The following PRH1 variants were observed in gnomAD, a reference collection of about 807,000 sequenced individuals.
The protein encoded by PRH1 is salivary acidic proline-rich phosphoprotein 1/2.
Under a neutral mutation model 7.9 loss-of-function variants are expected in PRH1, and 7 were observed. The observed-to-expected ratio is 0.89, with a 90% confidence interval of 0.50 to 1.67. PRH1 has a LOEUF of 1.67. Among genes scored for constraint, PRH1 ranks in the 40% most tolerant of loss-of-function variants. The pLI is 0.00. For synonymous variants in PRH1, 45 were observed against 80.8 expected, an observed-to-expected ratio of 0.56 and a Z score of 2.38; for missense variants, 109 against 223.6, an observed-to-expected ratio of 0.49 and a Z score of 3.27.
intron 2 of PRH1, among the ~76,000 whole-genome samples, chr12:10,943,721 T>C (rs1950440534): frequency 6.6e-6 from 1 of 152,220 alleles, no homozygotes; most frequent in African/African-American, 2.4e-5. Flanking sequence ...TTTAGGTCTT[T>C]AATCCATTTT....
At chr12:10,986,295 G>A (rs1343060350) in intron 1 of PRH1, 7 of 1,613,960 alleles carry the variant, frequency 4.3e-6, no homozygotes, top group Non-Finnish European at 4.2e-6. Flanking sequence ...CAGGGACAGA[G>A]TAAAGGGTAT....
intron 1 of PRH1, among the ~76,000 whole-genome samples, chr12:11,028,543 A>T (rs1287661761): frequency 6.6e-6 from 1 of 152,234 alleles, no homozygotes; most frequent in East Asian, 1.9e-4. Context: ...CTTCAATAAC[A>T]GGTATTACAT....
At chr12:10,927,680 T>C (rs116319922) in intron 2 of PRH1, among the ~76,000 whole-genome samples, 3,200 of 152,346 alleles carry the variant, frequency 0.021, 35 homozygotes, top group African/African-American at 0.035. Context: ...GTATGCACAG[T>C]ACAGGATCCA....
rs577504710 is a variant in PRH1 at position 11,091,982 on chromosome 12, G to T, written n.124-44794C>A. 2.2e-6 allele frequency: 3 copies of T among 1,339,284 alleles called. No homozygotes were observed. In the South Asian group the frequency reaches 3.5e-5, roughly 16 times the overall value. 83.0% of individuals were successfully genotyped at this position (1,339,284 alleles called of 1,614,324 possible). The stretch of plus-strand genomic sequence containing the variant: ...GATCACTGCCCAGATATTATAAGCA[G>T]TAGTTCTTACTTCTACACTATTAAA... On this transcript the variant is annotated intron_variant and non_coding_transcript_variant, in intron 1 of 4. Transcript: ENST00000541977.
At chr12:11,130,170 T>C (rs1946289490) in intron 1 of PRH1, among the ~76,000 whole-genome samples, 4 of 152,166 alleles carry the variant, frequency 2.6e-5, no homozygotes, top group African/African-American at 7.2e-5. Context: ...CCAATAATAA[T>C]ATATTAGTTG....
intron 1 of PRH1, among the ~76,000 whole-genome samples, chr12:11,098,958 C>T (rs1017983636): frequency 6.6e-6 from 1 of 152,030 alleles, no homozygotes; most frequent in Non-Finnish European, 1.5e-5. Flanking sequence ...AGTTTTCAGC[C>T]CAAGAATAAT....
intron 1 of PRH1, among the ~76,000 whole-genome samples, chr12:11,144,805 C>T (rs1946816080): frequency 6.6e-6 from 1 of 152,230 alleles, no homozygotes; most frequent in Non-Finnish European, 1.5e-5. Flanking sequence ...TCACTCAGCT[C>T]TCTAACTTAA....
intron 2 of PRH1, chr12:10,909,370 CTTGAG>C: frequency 9.4e-7 from 1 of 1,062,846 alleles, no homozygotes; most frequent in Non-Finnish European, 1.4e-6. Context: ...TATTCACATC[CTTGAG>C]TGTCCAGTGG....
In PRH1 at chr12:11,091,507, G is replaced by C. The variant is rs557668677; in HGVS notation, n.124-44319C>G. On this transcript the variant is annotated intron_variant and non_coding_transcript_variant, in intron 1 of 4. Coordinates refer to the PRH1 transcript ENST00000541977. ...AAACTGATATCATTATGGACAGAAAGTAAATGGCACATAACAAGAGGAAGG... is the reference window on the plus strand; with the variant it reads ...AAACTGATATCATTATGGACAGAAACTAAATGGCACATAACAAGAGGAAGG... 11 of 1,444,998 alleles carry C rather than the reference G, an allele frequency of 7.6e-6. 1 individual carries two copies. The African/African-American group carries it at 1.3e-4, about 17-fold the overall frequency. 89.5% of individuals were successfully genotyped at this position (1,444,998 alleles called of 1,614,324 possible). A position where few individuals can be genotyped will look rare whatever the true frequency, so the allele number is the denominator to read the frequency against.
chr12:11,029,004 T>C (rs1942049504), intron 1 of PRH1, among the ~76,000 whole-genome samples: 1 of 152,292 alleles, frequency 6.6e-6, no homozygotes, highest in Non-Finnish European at 1.5e-5. Flanking sequence ...TAAAGTATCA[T>C]TTTTGACCAT....
intron 1 of PRH1, among the ~76,000 whole-genome samples, chr12:11,064,348 T>C (rs1350200331): frequency 6.6e-6 from 1 of 152,152 alleles, no homozygotes; most frequent in Admixed American, 6.6e-5. Flanking sequence ...TGCAAGTACA[T>C]GTGATTTTTT....
At chr12:11,164,996 A>G (rs1947528805) in intron 1 of PRH1, among the ~76,000 whole-genome samples, 1 of 152,136 alleles carries the variant, frequency 6.6e-6, no homozygotes, top group Admixed American at 6.5e-5. Flanking sequence ...TTCTCTTTGT[A>G]GAAGAGAAAA....
At position 10,997,805 on chromosome 12, in the gene PRH1, T is replaced by G; in HGVS notation, c.-125-24084A>C. The stretch of plus-strand genomic sequence containing the variant: ...GAAATTTATCAGTGCTATAAAGCCA[T>G]TGGCAAAATTTCCAAGAATAAATGC... On this transcript the variant is annotated intron_variant, in intron 1 of 3. Transcript: ENST00000539853. 6.2e-7 allele frequency: 1 copy of G among 1,613,220 alleles called. No homozygotes were observed. Among genetic ancestry groups the G allele is most frequent in the Non-Finnish European group, 8.5e-7 (1 of 1,179,704 alleles).
intron 1 of PRH1, among the ~76,000 whole-genome samples, chr12:11,070,188 G>A (rs1463266984): frequency 2.6e-5 from 4 of 152,136 alleles, no homozygotes; most frequent in South Asian, 4.1e-4. Context: ...AAATAAAAAC[G>A]CTTAAAATTG....
chr12:11,079,063 T>C (rs1286773511), intron 1 of PRH1: 1 of 113,708 alleles, frequency 8.8e-6, no homozygotes, highest in Non-Finnish European at 2.1e-5. Context: ...TTATCAAACA[T>C]GTTTCTCATG....
intron 2 of PRH1, among the ~76,000 whole-genome samples, chr12:10,912,362 T>G (rs2135831021): frequency 6.6e-6 from 1 of 152,290 alleles, no homozygotes; most frequent in East Asian, 1.9e-4. Flanking sequence ...TAGATATTTG[T>G]CAGTTTCAAT....
chr12:10,938,715 A>T (rs1010518434), intron 2 of PRH1: 17 of 1,613,988 alleles, frequency 1.1e-5, no homozygotes, highest in Non-Finnish European at 1.4e-5. Context: ...TCAGAACTGC[A>T]AGTCTTGTTT....
intron 1 of PRH1, among the ~76,000 whole-genome samples, chr12:11,103,150 A>G (rs550741622): frequency 1.3e-5 from 2 of 152,344 alleles, no homozygotes; most frequent in East Asian, 1.9e-4. Flanking sequence ...TCAGGGATAT[A>G]GAACTAGAAA....
intron 2 of PRH1, among the ~76,000 whole-genome samples, chr12:10,907,172 A>G (rs576539679): frequency 1.3e-5 from 2 of 152,290 alleles, no homozygotes; most frequent in African/African-American, 2.4e-5. Flanking sequence ...CAACCACTCT[A>G]TAGAACTCTG....
Sources: allele counts gnomAD v4.1 joint callset (sites outside exome capture counted in the v4.1 genomes callset), GRCh38; gene constraint gnomAD v4.1.1; transcripts MANE v1.5; gene names NCBI Gene and HGNC (gene_info 2026-07-23, HGNC 2026-07-21).